The following JAK3 variants were observed in gnomAD, a reference collection of about 807,000 sequenced individuals.
JAK3 encodes Janus kinase 3, also known as tyrosine-protein kinase JAK3.
JAK3 carries 88 observed loss-of-function variants against 120.8 expected under a neutral mutation model. That is an observed-to-expected ratio of 0.73 (90% CI 0.61 to 0.87). The LOEUF (loss-of-function observed/expected upper bound fraction) is 0.87. JAK3 is among the 40% of genes least tolerant of loss of function. The pLI, the probability that JAK3 is intolerant of heterozygous loss-of-function variation, is 0.00. For missense variants in JAK3, 1,254 were observed against 1,501.4 expected, an observed-to-expected ratio of 0.84 and a Z score of 2.72; for synonymous variants, 592 against 628.6, an observed-to-expected ratio of 0.94 and a Z score of 0.87.
Position 17,835,247 on chromosome 19 carries a change from G to C in JAK3, c.1915-32C>G, listed in dbSNP as rs753468412. ...GGGCCAGACACAGGAAAATGCCCGG[G>C]AGGGTTTGATGAATGAAGAGTCTGT... is the stretch of plus-strand genomic sequence containing the variant. On this transcript the variant is annotated intron_variant, in intron 14 of 23. Transcript: ENST00000458235. The C allele has an allele frequency of 1.6e-5, 25 of 1,609,654 alleles. No homozygotes were observed. In the Admixed American group the frequency reaches 4.2e-4, roughly 27 times the overall value.
chr19:17,845,667 T>A (rs1305539167), intron 1 of JAK3, among the ~76,000 whole-genome samples: 2 of 152,086 alleles, frequency 1.3e-5, no homozygotes, highest in Non-Finnish European at 2.9e-5. Flanking sequence ...GAGGATGCCT[T>A]CAGCTCTGCA....
intron 13 of JAK3, 137 bp from the exon 14 acceptor site, chr19:17,836,188 A>G (rs1568403418): frequency 1.1e-5 from 11 of 973,824 alleles, no homozygotes; most frequent in Non-Finnish European, 1.4e-5. Context: ...CTCTGTTCAT[A>G]CAGTACTCAC....
rs2147681179 is a variant in JAK3, at chr19:17,834,554, C to T, written c.2350+17G>A. The stretch of plus-strand genomic sequence containing the variant: ...TGACATCACAGCCCTCCCCACCCAA[C>T]CCGTCCCAGCGGGCACCTGAAGAGA... On this transcript the variant is annotated intron_variant, in intron 17 of 23. Transcript: ENST00000458235. 1 of 1,150,122 alleles carries T rather than the reference C, an allele frequency of 8.7e-7. No individual in the cohort carries two copies. The highest frequency in any genetic ancestry group is 1.2e-5 in the South Asian group (1 of 82,472). 71.2% of individuals were successfully genotyped at this position (1,150,122 alleles called of 1,614,324 possible). A position where few individuals can be genotyped will look rare whatever the true frequency, so the allele number is the denominator to read the frequency against.
chr19:17,839,570 G>A lies in JAK3; in HGVS notation c.1348C>T (p.Leu450Phe). The A allele has an allele frequency of 6.2e-7, 1 of 1,610,866 alleles. No homozygotes were observed. Among genetic ancestry groups the A allele is most frequent in the Non-Finnish European group, 8.5e-7 (1 of 1,178,850 alleles). The change falls in exon 10 of 24, where the codon CTT becomes TTT. Residue 450 changes from leucine (L) to phenylalanine (F), a missense_variant. Leu to Phe is a conservative substitution (Grantham distance 22). This residue lies in a region of JAK3 where 486 missense variants were observed against 503.0 expected (regional missense o/e 0.97). Transcript: ENST00000458235. ...LVGLSRPHSS[L>F]RELLATCWDG... ...CAGCAGGTTGCCAGGAGCTCTCGAA[G>A]ACTGCTGTGGGGTCGGCTGAGGCCA... is the stretch of plus-strand genomic sequence containing the variant.
chr19:17,837,946 T>C lies in JAK3; in HGVS notation c.1687A>G (p.Lys563Glu). ...VLLKVMDAKH[K>E]NCMESFLEAA... ...ATTGCTCTCACCTCCATGCAGTTCT[T>C]GTGCTTGGCATCCATGACCTTCAGC... The change falls in exon 12 of 24, where the codon AAG becomes GAG. Residue 563 changes from lysine (K) to glutamate (E), a missense_variant. Coordinates refer to ENST00000458235, the MANE Select transcript of JAK3 (RefSeq NM_000215.4). 6.2e-7 allele frequency: 1 copy of C among 1,614,064 alleles called. No homozygotes were observed. Among genetic ancestry groups the C allele is most frequent in the Non-Finnish European group, 8.5e-7 (1 of 1,179,996 alleles).
intron 23 of JAK3, among the ~76,000 whole-genome samples, chr19:17,828,013 A>G (rs12151305): frequency 0.24 from 35,715 of 151,318 alleles, 4,635 homozygotes; most frequent in Non-Finnish European, 0.28. Flanking sequence ...CCTCCATCGC[A>G]CTGGTGCTTA....
chr19:17,827,263 G>A (rs1881138470), intron 23 of JAK3, among the ~76,000 whole-genome samples: 1 of 152,096 alleles, frequency 6.6e-6, no homozygotes, highest in Non-Finnish European at 1.5e-5. Flanking sequence ...ATAGGCATGA[G>A]CCACCGCACT....
At chr19:17,836,183 T>C in intron 13 of JAK3, 132 bp from the exon 14 acceptor site, 4 of 1,028,310 alleles carry the variant, frequency 3.9e-6, no homozygotes, top group Non-Finnish European at 5.9e-6. Flanking sequence ...GCTGCCTCTG[T>C]TCATACAGTA....
intron 17 of JAK3, among the ~76,000 whole-genome samples, chr19:17,833,315 CTT>C (rs1352004803): frequency 6.6e-6 from 1 of 152,138 alleles, no homozygotes. Context: ...CACACTCTCT[CTT>C]TTATCTGCAG....
rs533724669 is a variant in JAK3, at chr19:17,827,771, G to A, written c.3208-861C>T. Among the ~76,000 whole-genome samples the A allele has an allele frequency of 5.7e-4, 77 of 135,462 alleles. 1 individual carries two copies. In the South Asian group the frequency reaches 8.1e-3, roughly 14 times the overall value. 88.9% of individuals were successfully genotyped at this position (135,462 alleles called of 152,430 possible). On this transcript the variant is annotated intron_variant, in intron 23 of 23. Coordinates refer to ENST00000458235, the MANE Select transcript of JAK3 (RefSeq NM_000215.4). Reference sequence around the variant, plus strand: ...AAAAAAAAAAAAAATTACAGGTGGCGTGTGCCTGTAATCCCAGCTACTCGG... The same window carrying A: ...AAAAAAAAAAAAAATTACAGGTGGCATGTGCCTGTAATCCCAGCTACTCGG...
In JAK3 at chr19:17,839,483, G is replaced by A. The variant is rs200480212; in HGVS notation, c.1435C>T (p.Pro479Ser). 1.3e-6 allele frequency: 2 copies of A among 1,581,564 alleles called. No homozygotes were observed. The highest frequency in any genetic ancestry group is 1.7e-6 in the Non-Finnish European group (2 of 1,162,854). The change falls in exon 10 of 24, where the codon CCC (proline) becomes TCC (serine). Residue 479 changes from proline to serine, a missense_variant. This residue lies in a region of JAK3 where 486 missense variants were observed against 503.0 expected (regional missense o/e 0.97). Transcript: ENST00000458235. Reference sequence around the variant, plus strand: ...AGGGGAGGAAGGGGCTCACCTTTGGGTCTGGGGATACAGCAGGAAGTGAGG... The same window carrying A: ...AGGGGAGGAAGGGGCTCACCTTTGGATCTGGGGATACAGCAGGAAGTGAGG... Reference protein sequence around the residue: ...VTLTSCCIPRPKEKSNLIVVQ... With the variant: ...VTLTSCCIPRSKEKSNLIVVQ...
At position 17,842,650 on chromosome 19, in the gene JAK3, G is replaced by C; in HGVS notation, c.567-40C>G. ...GGGGAGGGAGCCGGCCCTCAGCGTC[G>C]GGAGGGGTCCCCGCGGGGACACACA... On this transcript the variant is annotated intron_variant, in intron 5 of 23. Coordinates refer to ENST00000458235, the MANE Select transcript of JAK3 (RefSeq NM_000215.4). This position sits in a 1 kb window ranked among gnomAD's most constrained non-coding sequence, Gnocchi z 6.4. The C allele has an allele frequency of 6.6e-7, 1 of 1,511,790 alleles. No homozygotes were observed. The highest frequency in any genetic ancestry group is 8.9e-7 in the Non-Finnish European group (1 of 1,125,762). 93.6% of individuals were successfully genotyped at this position (1,511,790 alleles called of 1,614,324 possible).
At chr19:17,839,699 G>C (rs200783042) in intron 9 of JAK3, 36 bp from the exon 10 acceptor site, 5 of 1,492,764 alleles carry the variant, frequency 3.3e-6, no homozygotes, top group Non-Finnish European at 4.6e-6. Flanking sequence ...GGGACTGAGC[G>C]ACAGACACTC....
intron 23 of JAK3, among the ~76,000 whole-genome samples, chr19:17,827,644 G>GC (rs1329870185): frequency 7.2e-6 from 1 of 139,856 alleles, no homozygotes; most frequent in African/African-American, 2.7e-5. Context: ...ACCGCGCCCA[G>GC]CCCTTATGGA....
rs200495779 is a variant in JAK3 at position 17,843,766 on chromosome 19, G to A, written c.308+11C>T. 52 of 1,613,212 alleles carry A rather than the reference G, an allele frequency of 3.2e-5. No homozygotes were observed. The highest frequency in any genetic ancestry group is 4.4e-5 in the Non-Finnish European group (52 of 1,179,932). Reference sequence around the variant, plus strand: ...TTGTACAATCCCTGGGGGCTGGGGGGCACTTCCTACCGAATCCTGTACAGC... The same window carrying A: ...TTGTACAATCCCTGGGGGCTGGGGGACACTTCCTACCGAATCCTGTACAGC... On this transcript the variant is annotated intron_variant, in intron 3 of 23. Transcript: ENST00000458235. The surrounding 1 kb of genome is among the most constrained non-coding windows in gnomAD (Gnocchi z 5.4).
rs145075952 is a variant in JAK3 at position 17,845,194 on chromosome 19, G to A, written c.-13-764C>T. On this transcript the variant is annotated intron_variant, in intron 1 of 23. Coordinates refer to ENST00000458235, the MANE Select transcript of JAK3 (RefSeq NM_000215.4). ...ATGTTTTTTGCTTTTTTGAGACAGA[G>A]TCTCGCGCTGTCACCCAGGCTGGAG... Among the ~76,000 whole-genome samples the A allele has an allele frequency of 5.4e-3, 819 of 152,256 alleles. 2 individuals are homozygous for A. Among genetic ancestry groups the A allele is most frequent in the Non-Finnish European group, 9.1e-3 (617 of 68,016 alleles).
Position 17,841,597 on chromosome 19 carries a change from G to A in JAK3, c.984+43C>T, listed in dbSNP as rs759624775. ...AGTGAAACCCGAGGGTGCCGGTCCC[G>A]CCCTCGGGGTAAGGCTGAAGGGGAG... is the stretch of plus-strand genomic sequence containing the variant. On this transcript the variant is annotated intron_variant, in intron 7 of 23. Coordinates refer to ENST00000458235, the MANE Select transcript of JAK3 (RefSeq NM_000215.4). This position sits in a 1 kb window ranked among gnomAD's most constrained non-coding sequence, Gnocchi z 4.1. The A allele has an allele frequency of 1.9e-6, 3 of 1,611,882 alleles. No homozygotes were observed. The highest frequency in any genetic ancestry group is 2.2e-5 in the East Asian group (1 of 44,788).
At position 17,843,937 on chromosome 19, in the gene JAK3, A is replaced by T; in HGVS notation, c.185-37T>A. Reference sequence around the variant, plus strand: ...GGTCCCATCAGCTCCCTCCTGAGTCACCCCATCTGTGCCCTTCAGGAGTGC... The same window carrying T: ...GGTCCCATCAGCTCCCTCCTGAGTCTCCCCATCTGTGCCCTTCAGGAGTGC... On this transcript the variant is annotated intron_variant, in intron 2 of 23. Transcript: ENST00000458235. This position sits in a 1 kb window ranked among gnomAD's most constrained non-coding sequence, Gnocchi z 5.4. The T allele has an allele frequency of 6.2e-7, 1 of 1,611,456 alleles. No individual in the cohort carries two copies. The highest frequency in any genetic ancestry group is 8.5e-7 in the Non-Finnish European group (1 of 1,179,012).
chr19:17,831,882 T>A lies in JAK3; in HGVS notation c.2681-84A>T. On this transcript the variant is annotated intron_variant, in intron 19 of 23. Transcript: ENST00000458235. This position sits in a 1 kb window ranked among gnomAD's most constrained non-coding sequence, Gnocchi z 5.1. ...CCCCCTTTCACAGTGGGACCTTGTG[T>A]CCCTCTCGACCTCAGTTTTGCTGAC... 6.4e-7 allele frequency: 1 copy of A among 1,571,746 alleles called. No homozygotes were observed. Among genetic ancestry groups the A allele is most frequent in the South Asian group, 1.1e-5 (1 of 89,652 alleles).
Sources: allele counts gnomAD v4.1 joint callset (sites outside exome capture counted in the v4.1 genomes callset), GRCh38; gene constraint gnomAD v4.1.1; regional missense constraint gnomAD v4.1.1; non-coding constraint Gnocchi (gnomAD v3.1); transcripts MANE v1.5; gene names NCBI Gene and HGNC (gene_info 2026-07-23, HGNC 2026-07-21).